The following CHRM3 variants were observed in gnomAD, a reference collection of about 807,000 sequenced individuals.
CHRM3 encodes muscarinic acetylcholine receptor M3.
In CHRM3, 11 loss-of-function variants were observed where a neutral mutation model predicts 41.8. The ratio of observed to expected loss-of-function variants is 0.26; its 90% CI spans 0.17 to 0.44. The LOEUF is 0.44. CHRM3 is among the 20% of genes least tolerant of loss of function. The pLI, the probability that CHRM3 is intolerant of heterozygous loss-of-function variation, is 1.00. For synonymous variants in CHRM3, 297 were observed against 301.4 expected (o/e 0.99, Z 0.15); for missense variants, 571 against 745.4 (o/e 0.77, Z 2.72).
chr1:239,396,796 A>G (rs1319123), intron 1 of CHRM3, among the ~76,000 whole-genome samples: 7,249 of 152,274 alleles, frequency 0.048, 284 homozygotes, highest in East Asian at 0.21. Flanking sequence ...ATATTTTTCT[A>G]TACATATTCT....
rs1226462718 is a variant in CHRM3, at chr1:239,570,934, G to A, written c.-313+25185G>A. Among the ~76,000 whole-genome samples the A allele has an allele frequency of 2.0e-5, 3 of 152,116 alleles. No homozygotes were observed. The East Asian group carries it at 5.8e-4, about 29-fold the overall frequency. The stretch of plus-strand genomic sequence containing the variant: ...AGTAAACACAAACTCCATCTTCACT[G>A]ATACTAGAAGATAGCAATAACTCTG... On this transcript the variant is annotated intron_variant, in intron 3 of 6. Coordinates refer to ENST00000676153, the MANE Select transcript of CHRM3 (RefSeq NM_001375978.1).
chr1:239,856,462 A>C (rs1010943607), intron 6 of CHRM3, among the ~76,000 whole-genome samples: 2 of 152,032 alleles, frequency 1.3e-5, no homozygotes, highest in African/African-American at 4.8e-5. Flanking sequence ...GGCCATGTGA[A>C]TATGTGTTTG....
intron 2 of CHRM3, among the ~76,000 whole-genome samples, chr1:239,513,062 T>C (rs1174442390): frequency 6.6e-6 from 1 of 152,196 alleles, no homozygotes; most frequent in Non-Finnish European, 1.5e-5. Flanking sequence ...GTGGGTCATA[T>C]TCTGACAACA....
intron 6 of CHRM3, among the ~76,000 whole-genome samples, chr1:239,841,804 C>G (rs1427957662): frequency 6.6e-6 from 1 of 152,122 alleles, no homozygotes; most frequent in Non-Finnish European, 1.5e-5. Flanking sequence ...TTCAAAAGTC[C>G]CAGGAAGTTG....
At chr1:239,425,962 C>A (rs964224959) in intron 1 of CHRM3, among the ~76,000 whole-genome samples, 3 of 151,846 alleles carry the variant, frequency 2.0e-5, no homozygotes, top group African/African-American at 7.3e-5. Context: ...TTGTTCACAT[C>A]TTTTTTTTCC....
At chr1:239,795,488 T>A (rs1669694177) in intron 5 of CHRM3, among the ~76,000 whole-genome samples, 1 of 152,318 alleles carries the variant, frequency 6.6e-6, no homozygotes, top group South Asian at 2.1e-4. Context: ...TTTCTGATTA[T>A]CTTTTGTGAA....
chr1:239,643,012 G>C (rs1266884843), intron 4 of CHRM3, among the ~76,000 whole-genome samples: 3 of 152,192 alleles, frequency 2.0e-5, no homozygotes, highest in African/African-American at 7.2e-5. Context: ...AGGTCTGTTG[G>C]AGTTTGCTAG....
In CHRM3 at chr1:239,644,916, T is replaced by A. The variant is rs528337085; in HGVS notation, c.-250+12630T>A. ...GTGAAGACAGATAAGTGGGCCTACT[T>A]GAGACAGCTTTCTTCAGCAGGAATT... On this transcript the variant is annotated intron_variant, in intron 4 of 6. Coordinates refer to ENST00000676153, the MANE Select transcript of CHRM3 (RefSeq NM_001375978.1). Among the ~76,000 whole-genome samples the A allele has an allele frequency of 5.9e-5, 9 of 152,292 alleles. No individual in the cohort carries two copies. The South Asian group carries it at 1.9e-3, about 32-fold the overall frequency.
chr1:239,815,213 CA>C (rs1448817003), intron 5 of CHRM3, among the ~76,000 whole-genome samples: 16 of 152,184 alleles, frequency 1.1e-4, no homozygotes. Context: ...AGGGATTTAT[CA>C]GTAAAATTGA....
chr1:239,788,227 C>A (rs1457250509), intron 5 of CHRM3, among the ~76,000 whole-genome samples: 9 of 151,534 alleles, frequency 5.9e-5, no homozygotes, highest in African/African-American at 2.2e-4. Context: ...TAGAGTGAGA[C>A]CCCCCAACTC....
chr1:239,897,995 A>G (rs1320056388), intron 6 of CHRM3: 2 of 151,176 alleles, frequency 1.3e-5, no homozygotes, highest in Non-Finnish European at 3.0e-5. Flanking sequence ...AGCAAGATAA[A>G]TCAACTTTCT....
At chr1:239,633,058 C>T (rs997980654) in intron 4 of CHRM3, among the ~76,000 whole-genome samples, 71 of 152,308 alleles carry the variant, frequency 4.7e-4, no homozygotes, top group African/African-American at 1.6e-3. Context: ...CTGCAAGCTC[C>T]GCCTCCCGGG....
chr1:239,655,617 C>T (rs990978035), intron 4 of CHRM3, among the ~76,000 whole-genome samples: 2 of 152,086 alleles, frequency 1.3e-5, no homozygotes, highest in African/African-American at 4.8e-5. Context: ...TTTTTTAAGC[C>T]AAGGATTGGG....
chr1:239,515,416 T>G (rs1285384856), intron 2 of CHRM3, among the ~76,000 whole-genome samples: 2 of 151,352 alleles, frequency 1.3e-5, no homozygotes, highest in African/African-American at 2.4e-5. Flanking sequence ...TTTTTTGTTT[T>G]TTTTTTTTTT....
At chr1:239,557,103 G>A (rs1000934390) in intron 3 of CHRM3, among the ~76,000 whole-genome samples, 3 of 152,158 alleles carry the variant, frequency 2.0e-5, no homozygotes, top group Non-Finnish European at 2.9e-5. Context: ...GTAGGCCAGA[G>A]AGCTATCTTC....
chr1:239,409,247 T>G (rs75914331), intron 1 of CHRM3, among the ~76,000 whole-genome samples: 3,803 of 152,296 alleles, frequency 0.025, 62 homozygotes, highest in Non-Finnish European at 0.037. Context: ...TTTTTATTGC[T>G]GTTGAGAAGT....
chr1:239,544,118 T>C (rs577899457), intron 2 of CHRM3, among the ~76,000 whole-genome samples: 38 of 152,336 alleles, frequency 2.5e-4, no homozygotes, highest in South Asian at 2.5e-3. Context: ...CTGGAAAGAT[T>C]GCTGTGATGC....
chr1:239,402,604 T>C (rs1437505150), intron 1 of CHRM3, among the ~76,000 whole-genome samples: 10 of 152,128 alleles, frequency 6.6e-5, no homozygotes, highest in Non-Finnish European at 2.9e-5. Context: ...TTCCTCTAGG[T>C]TTCTGTGGAA....
intron 3 of CHRM3, among the ~76,000 whole-genome samples, chr1:239,598,860 C>T (rs1665136060): frequency 6.6e-6 from 1 of 151,690 alleles, no homozygotes; most frequent in Admixed American, 6.6e-5. Context: ...CCACCCCCAC[C>T]CCAAACCCAT....
Sources: gnomAD v4.1 joint callset for allele counts (sites outside exome capture counted in the v4.1 genomes callset) on GRCh38, gnomAD v4.1.1 for gene constraint, MANE v1.5 for transcripts, NCBI Gene and HGNC (gene_info 2026-07-23, HGNC 2026-07-21) for gene names.